Variants in CRK observed in about 807,000 individuals in gnomAD.
CRK encodes the protein CRK proto-oncogene, adaptor protein.
A neutral mutation model predicts 29.8 loss-of-function variants in CRK; 4 were observed. That is an observed-to-expected ratio of 0.13 (90% CI 0.07 to 0.31). The LOEUF (loss-of-function observed/expected upper bound fraction) is 0.31. Among genes scored for constraint, CRK ranks in the 10% least tolerant of loss-of-function variants. The probability of loss-of-function intolerance (pLI) is 1.00; values close to 1 mark genes in which losing one functional copy is unlikely to be tolerated. For missense variants in CRK, 274 were observed against 396.5 expected (o/e 0.69, Z 2.62); for synonymous variants, 153 against 164.9 (o/e 0.93, Z 0.55).
chr17:1,443,570 T>C (rs2073951506), intron 1 of CRK, among the ~76,000 whole-genome samples: 3 of 141,546 alleles, frequency 2.1e-5, no homozygotes, highest in African/African-American at 7.9e-5. Context: ...TAATTTTTTT[T>C]TGTATTTTTT....
rs1441181928 is a variant in CRK, at chr17:1,437,010, G to A, written c.387C>T (p.Leu129=). 2.5e-6 allele frequency: 4 copies of A among 1,614,100 alleles called. No individual in the cohort carries two copies. The South Asian group carries it at 4.4e-5, about 18-fold the overall frequency. Residue 129 remains leucine (L), a synonymous_variant, in exon 2 of 3, where the codon CTC becomes CTT. Coordinates refer to ENST00000300574, the MANE Select transcript of CRK (RefSeq NM_016823.4). The stretch of plus-strand genomic sequence containing the variant: ...GCACATACTCCGCCTCCTCCTGCCT[G>A]AGAATCACTCCACTACCCTGCCTGG... ...SRSRQGSGVI[L]RQEEAEYVRA... is the part of the protein sequence containing the mutation.
intron 1 of CRK, among the ~76,000 whole-genome samples, chr17:1,438,528 T>C (rs190036923): frequency 5.1e-4 from 77 of 152,110 alleles, no homozygotes; most frequent in African/African-American, 1.8e-3. Flanking sequence ...ACTAAGGGGC[T>C]AACTGCTTAA....
At chr17:1,442,404 G>A (rs964184172) in intron 1 of CRK, among the ~76,000 whole-genome samples, 3 of 151,840 alleles carry the variant, frequency 2.0e-5, no homozygotes, top group African/African-American at 7.3e-5. Context: ...GGCCCACCTT[G>A]GCCTCCCAGA....
intron 2 of CRK, among the ~76,000 whole-genome samples, chr17:1,433,550 C>T (rs370999167): frequency 8.1e-6 from 1 of 123,166 alleles, no homozygotes; most frequent in East Asian, 2.6e-4. Flanking sequence ...TGGAGTTTCA[C>T]TCTTGTTGCC....
intron 1 of CRK, among the ~76,000 whole-genome samples, chr17:1,448,326 T>C (rs2073990614): frequency 6.6e-6 from 1 of 151,900 alleles, no homozygotes; most frequent in African/African-American, 2.4e-5. Context: ...ATAAATAAAG[T>C]TCCTAAAGTG....
intron 1 of CRK, among the ~76,000 whole-genome samples, chr17:1,438,175 GC>G (rs2073903581): frequency 3.3e-5 from 5 of 152,086 alleles, no homozygotes; most frequent in Non-Finnish European, 7.3e-5. Context: ...TGTCGCTCAA[GC>G]TGGAGTGCAG....
intron 2 of CRK, among the ~76,000 whole-genome samples, chr17:1,427,884 C>T (rs914850469): frequency 6.6e-6 from 1 of 151,906 alleles, no homozygotes; most frequent in Non-Finnish European, 1.5e-5. Flanking sequence ...CCGCCCACCT[C>T]GGCTTCCCAA....
chr17:1,453,448 C>CAA (rs1246090858), intron 1 of CRK, among the ~76,000 whole-genome samples: 1 of 152,140 alleles, frequency 6.6e-6, no homozygotes, highest in East Asian at 1.9e-4. Flanking sequence ...ACATATAATG[C>CAA]AAAACCCCAG....
At chr17:1,430,206 G>A (rs2073825926) in intron 2 of CRK, among the ~76,000 whole-genome samples, 1 of 151,176 alleles carries the variant, frequency 6.6e-6, no homozygotes, top group Non-Finnish European at 1.5e-5. Flanking sequence ...CCCCACGCCT[G>A]GCTAATTTTG....
intron 1 of CRK, among the ~76,000 whole-genome samples, chr17:1,441,349 G>T (rs2073933617): frequency 6.6e-6 from 1 of 152,098 alleles, no homozygotes; most frequent in Admixed American, 6.6e-5. Flanking sequence ...TCTTTTTAGA[G>T]ACAGGGTCTA....
Position 1,456,187 on chromosome 17 carries a change from C to G in CRK, c.-70G>C. 1 of 1,362,850 alleles carries G rather than the reference C, an allele frequency of 7.3e-7. No individual in the cohort carries two copies. Among genetic ancestry groups the G allele is most frequent in the Non-Finnish European group, 9.4e-7 (1 of 1,062,702 alleles). 84.4% of individuals were successfully genotyped at this position (1,362,850 alleles called of 1,614,324 possible). On this transcript the variant is annotated 5_prime_UTR_variant, in exon 1 of 3. Coordinates refer to ENST00000300574, the MANE Select transcript of CRK (RefSeq NM_016823.4). ...CCCCTCCGGCCCCCGGCGCCCGCCGCCCAGCGGACCGGCTCCGGTTTCAGC... is the reference window on the plus strand; with the variant it reads ...CCCCTCCGGCCCCCGGCGCCCGCCGGCCAGCGGACCGGCTCCGGTTTCAGC...
intron 2 of CRK, among the ~76,000 whole-genome samples, chr17:1,435,500 T>C (rs2085539601): frequency 6.7e-6 from 1 of 150,186 alleles, no homozygotes; most frequent in Admixed American, 6.6e-5. Flanking sequence ...AGGAGTAAGA[T>C]CCATCATACA....
At chr17:1,446,834 C>A (rs1340744448) in intron 1 of CRK, among the ~76,000 whole-genome samples, 2 of 151,934 alleles carry the variant, frequency 1.3e-5, no homozygotes, top group African/African-American at 2.4e-5. Flanking sequence ...ACCTCGTGAT[C>A]CGCCCGCCTC....
At chr17:1,428,665 A>G (rs1433882374) in intron 2 of CRK, among the ~76,000 whole-genome samples, 2 of 134,490 alleles carry the variant, frequency 1.5e-5, no homozygotes, top group Admixed American at 7.5e-5. Flanking sequence ...CTGGGACTAC[A>G]GGCATGTGCC....
chr17:1,445,170 TATTGGAGAGAG>T (rs2073965865), intron 1 of CRK, among the ~76,000 whole-genome samples: 1 of 151,836 alleles, frequency 6.6e-6, no homozygotes, highest in Non-Finnish European at 1.5e-5. Flanking sequence ...ATCATTCCAC[TATTGGAGAGAG>T]GTAATAAGAC....
chr17:1,432,050 CA>C, intron 2 of CRK, among the ~76,000 whole-genome samples: 2 of 152,274 alleles, frequency 1.3e-5, no homozygotes, highest in Middle Eastern at 3.4e-3. Flanking sequence ...CTCACTACAG[CA>C]AAGAGACTGA....
At chr17:1,425,661 G>A (rs577755752) in intron 2 of CRK, among the ~76,000 whole-genome samples, 4 of 152,330 alleles carry the variant, frequency 2.6e-5, no homozygotes, top group African/African-American at 7.2e-5. Context: ...AAAAATGTAC[G>A]CAGGCACATC....
intron 2 of CRK, among the ~76,000 whole-genome samples, chr17:1,431,598 T>G (rs534144293): frequency 2.0e-5 from 3 of 151,816 alleles, no homozygotes; most frequent in Admixed American, 6.6e-5. Flanking sequence ...GGTGTACTAG[T>G]TTTTTTTGAG....
At chr17:1,428,744 G>A (rs1384444415) in intron 2 of CRK, among the ~76,000 whole-genome samples, 3 of 149,594 alleles carry the variant, frequency 2.0e-5, no homozygotes, top group African/African-American at 7.4e-5. Context: ...GGCTGGTCTT[G>A]AACTCCTGAC....
Sources: gnomAD v4.1 joint callset for allele counts (sites outside exome capture counted in the v4.1 genomes callset) on GRCh38, gnomAD v4.1.1 for gene constraint, MANE v1.5 for transcripts, NCBI Gene and HGNC (gene_info 2026-07-23, HGNC 2026-07-21) for gene names.